Variants in ADCY7 observed in about 807,000 individuals in gnomAD.
ADCY7 encodes adenylate cyclase type 7.
ADCY7 carries 72 observed loss-of-function variants against 120.6 expected under a neutral mutation model. That is an observed-to-expected ratio of 0.60 (90% CI 0.49 to 0.73). ADCY7 has a LOEUF of 0.73. ADCY7 is among the 30% of genes least tolerant of loss of function. The pLI, the probability that ADCY7 is intolerant of heterozygous loss-of-function variation, is 0.00. For synonymous variants in ADCY7, 661 were observed against 628.0 expected (o/e 1.05, Z -0.78); for missense variants, 1,227 against 1,486.0 (o/e 0.83, Z 2.87).
intron 10 of ADCY7, among the ~76,000 whole-genome samples, chr16:50,301,511 G>A (rs7186882): frequency 0.12 from 18,171 of 152,296 alleles, 1,156 homozygotes; most frequent in Middle Eastern, 0.27. Flanking sequence ...ATGTATTCTC[G>A]TCACTCTTGG....
At chr16:50,262,866 C>T (rs1011495768), upstream of ADCY7, among the ~76,000 whole-genome samples, 42 of 152,232 alleles carry the variant, frequency 2.8e-4, no homozygotes, top group African/African-American at 9.4e-4. Flanking sequence ...CAAGGTTGCC[C>T]TTCTTTGGGG....
At chr16:50,275,197 C>A (rs988448945) in intron 1 of ADCY7, among the ~76,000 whole-genome samples, 1 of 152,244 alleles carries the variant, frequency 6.6e-6, no homozygotes. Flanking sequence ...CCTCTCACCT[C>A]CACCTGGGAG....
At chr16:50,268,352 AC>A (rs1296965161) in intron 1 of ADCY7, among the ~76,000 whole-genome samples, 1 of 151,732 alleles carries the variant, frequency 6.6e-6, no homozygotes, top group African/African-American at 2.4e-5. Context: ...TGATCCATCC[AC>A]CTCGACCTCC....
chr16:50,281,931 A>G (rs1368608874), intron 1 of ADCY7, among the ~76,000 whole-genome samples: 1 of 152,182 alleles, frequency 6.6e-6, no homozygotes, highest in Non-Finnish European at 1.5e-5. Context: ...CCAGCCTACC[A>G]GGGGAGCCGA....
intron 1 of ADCY7, among the ~76,000 whole-genome samples, chr16:50,267,042 C>T (rs2033260298): frequency 6.6e-6 from 1 of 152,200 alleles, no homozygotes; most frequent in South Asian, 2.1e-4. Flanking sequence ...TACAAGCACA[C>T]ATGACTTTTC....
chr16:50,288,057 C>A lies in ADCY7; in HGVS notation c.-123C>A. On this transcript the variant is annotated 5_prime_UTR_variant, in exon 2 of 26. An upstream open reading frame in the 5' UTR gains an earlier in-frame stop. Coordinates refer to ENST00000673801, the MANE Select transcript of ADCY7 (RefSeq NM_001114.5). ...CCCAGAGGCCCTCTCCCCAGCCCTGCTTGCCTGCCTCGGAGAGGACAGAGG... is the reference window on the plus strand; with the variant it reads ...CCCAGAGGCCCTCTCCCCAGCCCTGATTGCCTGCCTCGGAGAGGACAGAGG... 8.2e-7 allele frequency: 1 copy of A among 1,220,360 alleles called. No individual in the cohort carries two copies. The highest frequency in any genetic ancestry group is 1.1e-6 in the Non-Finnish European group (1 of 904,810). 75.6% of individuals were successfully genotyped at this position (1,220,360 alleles called of 1,614,324 possible). A position where few individuals can be genotyped will look rare whatever the true frequency, so the allele number is the denominator to read the frequency against.
intron 1 of ADCY7, among the ~76,000 whole-genome samples, chr16:50,261,012 GATGGCCCCAGTGGCTCGTAGC>G (rs2033044352): frequency 6.6e-6 from 1 of 152,234 alleles, no homozygotes; most frequent in Non-Finnish European, 1.5e-5. Context: ...CTGTGGCAAA[GATGGCCCCAGTGGCTCGTAGC>G]TCACACCTAC....
chr16:50,315,586 C>T lies in ADCY7; in HGVS notation c.*81C>T, dbSNP rs574378357. ...GCCCAGGAGAAGACTCTCCGCCCCA[C>T]GCCAATCCCAAAGGCATGCAGATGG... On this transcript the variant is annotated 3_prime_UTR_variant, in exon 26 of 26. Transcript: ENST00000673801. 1.1e-5 allele frequency: 17 copies of T among 1,539,496 alleles called. No homozygotes were observed. The East Asian group carries it at 2.5e-4, about 23-fold the overall frequency.
intron 3 of ADCY7, among the ~76,000 whole-genome samples, chr16:50,291,482 G>T (rs2034957824): frequency 6.6e-6 from 1 of 152,224 alleles, no homozygotes; most frequent in Non-Finnish European, 1.5e-5. Flanking sequence ...GGATCACGCG[G>T]GGCATGGAGC....
At chr16:50,287,751 C>T (rs1242336800) in intron 1 of ADCY7, 161 bp from the exon 2 acceptor site, 1 of 158,208 alleles carries the variant, frequency 6.3e-6, no homozygotes, top group Non-Finnish European at 1.4e-5. Context: ...CTAGAAGACA[C>T]AGGGGACTAG....
intron 1 of ADCY7, among the ~76,000 whole-genome samples, chr16:50,283,296 G>A (rs991151574): frequency 7.2e-5 from 11 of 152,352 alleles, no homozygotes; most frequent in Non-Finnish European, 1.3e-4. Flanking sequence ...GCTGGCTCCT[G>A]TGACCCCAGG....
chr16:50,308,897 C>A, intron 17 of ADCY7, 105 bp downstream of exon 17: 2 of 1,396,890 alleles, frequency 1.4e-6, no homozygotes, highest in Non-Finnish European at 9.5e-7. Flanking sequence ...GTCCTCTCCC[C>A]CGAGCTCAGC....
chr16:50,314,228 C>G (rs969100871), intron 23 of ADCY7, 64 bp from the exon 24 acceptor site: 2 of 1,524,718 alleles, frequency 1.3e-6, no homozygotes, highest in East Asian at 4.6e-5. Context: ...GAGTGGCGCG[C>G]CAGGGCCCAC....
At position 50,300,830 on chromosome 16, in the gene ADCY7, G is replaced by A. The variant is rs1044473099; in HGVS notation, c.1192G>A (p.Asp398Asn). ...GTGGCAGTATGACGTGTGGTCCCAC[G>A]ACGTGTCCCTGGCCAACCGGATGGA... ...RKWQYDVWSH[D>N]VSLANRMEAA... Residue 398 changes from aspartate to asparagine, a missense_variant, in exon 9 of 26, where the codon GAC becomes AAC. Physicochemically the swap from Asp to Asn is conservative, Grantham distance 23. Transcript: ENST00000673801. 3.9e-6 allele frequency: 6 copies of A among 1,558,158 alleles called. No individual in the cohort carries two copies. Among genetic ancestry groups the A allele is most frequent in the South Asian group, 1.2e-5 (1 of 84,502 alleles).
At chr16:50,259,908 A>G (rs546793391) in intron 1 of ADCY7, among the ~76,000 whole-genome samples, 9 of 152,136 alleles carry the variant, frequency 5.9e-5, no homozygotes, top group Non-Finnish European at 1.3e-4. Context: ...ACAGCTGAGA[A>G]GAGATGTGGG....
At chr16:50,257,312 G>C (rs1486758548) in intron 1 of ADCY7, among the ~76,000 whole-genome samples, 1 of 152,044 alleles carries the variant, frequency 6.6e-6, no homozygotes, top group Non-Finnish European at 1.5e-5. Flanking sequence ...GTGTAGGTAA[G>C]GGGGGCAGGG....
chr16:50,282,726 T>TC (rs2150912401), intron 1 of ADCY7, among the ~76,000 whole-genome samples: 1 of 22,764 alleles, frequency 4.4e-5, no homozygotes, highest in Non-Finnish European at 1.1e-4. Flanking sequence ...TTTTTTTTTT[T>TC]CCAGACAGGA....
At chr16:50,299,205 G>C (rs2035553862) in intron 8 of ADCY7, among the ~76,000 whole-genome samples, 174 bp downstream of exon 8, 1 of 152,248 alleles carries the variant, frequency 6.6e-6, no homozygotes, top group Admixed American at 6.5e-5. Flanking sequence ...GACTTCATCT[G>C]TTTGCGTCCC....
intron 1 of ADCY7, among the ~76,000 whole-genome samples, chr16:50,271,114 G>A (rs556860864): frequency 9.5e-4 from 144 of 152,368 alleles, no homozygotes; most frequent in African/African-American, 3.3e-3. Flanking sequence ...AAGCCTGGAA[G>A]CCTTTCTAGA....
Sources: allele counts gnomAD v4.1 joint callset (sites outside exome capture counted in the v4.1 genomes callset), GRCh38; gene constraint gnomAD v4.1.1; transcripts MANE v1.5; gene names NCBI Gene and HGNC (gene_info 2026-07-23, HGNC 2026-07-21).